The following PTPRK variants were observed in gnomAD, a reference collection of about 807,000 sequenced individuals.
PTPRK encodes the protein receptor-type tyrosine-protein phosphatase kappa.
In PTPRK, 75 loss-of-function variants were observed where a neutral mutation model predicts 178.0. That is an observed-to-expected ratio of 0.42 (90% CI 0.35 to 0.51). The LOEUF (loss-of-function observed/expected upper bound fraction) is 0.51. Among genes scored for constraint, PTPRK ranks in the 20% least tolerant of loss-of-function variants. PTPRK has a pLI of 0.02. For synonymous variants in PTPRK, 637 were observed against 620.6 expected, an observed-to-expected ratio of 1.03 and a Z score of -0.39; for missense variants, 1,441 against 1,797.8, an observed-to-expected ratio of 0.80 and a Z score of 3.59.
rs201666836 is a variant in PTPRK, at chr6:127,998,915, T to C, written c.2495-11A>G. 1.6e-4 allele frequency: 237 copies of C among 1,514,444 alleles called. No individual in the cohort carries two copies. The highest frequency in any genetic ancestry group is 2.0e-4 in the Non-Finnish European group (223 of 1,126,872). The allele number at this position is 1,514,444 out of a possible 1,614,324, so 93.8% of individuals were successfully genotyped here. On this transcript the variant is annotated splice_polypyrimidine_tract_variant and intron_variant, in intron 15 of 29. Transcript: ENST00000368226. Reference sequence around the variant, plus strand: ...CACTGTGGTTCTCATCTGGCATTTTTCAGATTTCAGAAGATTAAAAAAGAG... The same window carrying C: ...CACTGTGGTTCTCATCTGGCATTTTCCAGATTTCAGAAGATTAAAAAAGAG...
chr6:128,158,101 A>G (rs1405957290), intron 7 of PTPRK, among the ~76,000 whole-genome samples: 1 of 151,830 alleles, frequency 6.6e-6, no homozygotes, highest in Non-Finnish European at 1.5e-5. Context: ...TCCATCTTGA[A>G]TTAATTTTTG....
intron 1 of PTPRK, among the ~76,000 whole-genome samples, chr6:128,502,898 G>A (rs1855762931): frequency 6.6e-6 from 1 of 152,034 alleles, no homozygotes; most frequent in African/African-American, 2.4e-5. Context: ...CAGCCATGGT[G>A]GTAGTATTTA....
At chr6:127,973,604 T>G in intron 28 of PTPRK, 60 bp downstream of exon 28, 1 of 1,584,560 alleles carries the variant, frequency 6.3e-7, no homozygotes, top group Non-Finnish European at 8.6e-7. Context: ...TCTTTAACAT[T>G]GAAAATGAGA....
chr6:128,333,728 C>T (rs1318388287), intron 2 of PTPRK, among the ~76,000 whole-genome samples: 1 of 152,172 alleles, frequency 6.6e-6, no homozygotes, highest in East Asian at 1.9e-4. Flanking sequence ...AAGGCTGTTT[C>T]ACTTTCTTAT....
intron 7 of PTPRK, among the ~76,000 whole-genome samples, chr6:128,165,508 A>G (rs1451723708): frequency 2.6e-5 from 4 of 151,258 alleles, no homozygotes; most frequent in Non-Finnish European, 1.5e-5. Context: ...GTCTTTTGGT[A>G]AGCCTGCATC....
chr6:127,990,983 C>A, intron 20 of PTPRK, 98 bp from the exon 21 acceptor site: 1 of 755,660 alleles, frequency 1.3e-6, no homozygotes, highest in Non-Finnish European at 2.2e-6. Flanking sequence ...ACAATTAAAA[C>A]TCAGTTTAAA....
intron 8 of PTPRK, among the ~76,000 whole-genome samples, chr6:128,086,436 T>C (rs1309534045): frequency 2.0e-5 from 3 of 152,162 alleles, no homozygotes; most frequent in Non-Finnish European, 4.4e-5. Context: ...AAAAAGTGTA[T>C]GCAATAAATT....
chr6:127,986,591 G>T (rs1776006612), intron 21 of PTPRK, among the ~76,000 whole-genome samples: 1 of 152,040 alleles, frequency 6.6e-6, no homozygotes, highest in Non-Finnish European at 1.5e-5. Flanking sequence ...TTTTTTAGAA[G>T]AAGTCTGTAG....
chr6:128,388,254 T>C (rs181097661), intron 2 of PTPRK, among the ~76,000 whole-genome samples: 61 of 152,334 alleles, frequency 4.0e-4, no homozygotes, highest in African/African-American at 1.4e-3. Flanking sequence ...CCTCTTTTTC[T>C]TCAGGATACT....
At chr6:128,136,519 A>G (rs1795040371) in intron 7 of PTPRK, among the ~76,000 whole-genome samples, 1 of 152,290 alleles carries the variant, frequency 6.6e-6, no homozygotes, top group African/African-American at 2.4e-5. Flanking sequence ...GTATAAGGGT[A>G]TATTTCTTCA....
intron 7 of PTPRK, among the ~76,000 whole-genome samples, chr6:128,127,673 G>A (rs962516083): frequency 1.3e-5 from 2 of 152,120 alleles, no homozygotes; most frequent in African/African-American, 2.4e-5. Flanking sequence ...CCTTTTAGAC[G>A]CAGCATGCAA....
intron 13 of PTPRK, among the ~76,000 whole-genome samples, chr6:128,053,964 T>A (rs867001689): frequency 2.0e-5 from 3 of 152,234 alleles, no homozygotes; most frequent in Middle Eastern, 3.2e-3. Context: ...ACTATTTAAC[T>A]GCATCAATCT....
At chr6:128,424,782 C>T (rs1225050621) in intron 1 of PTPRK, among the ~76,000 whole-genome samples, 1 of 152,120 alleles carries the variant, frequency 6.6e-6, no homozygotes, top group Non-Finnish European at 1.5e-5. Context: ...TGACTTCATG[C>T]ACCGTTAAGA....
intron 2 of PTPRK, among the ~76,000 whole-genome samples, chr6:128,323,562 A>G (rs932486551): frequency 2.0e-5 from 3 of 152,144 alleles, no homozygotes; most frequent in Non-Finnish European, 1.5e-5. Flanking sequence ...TAACCACTCA[A>G]TAACTACTAG....
intron 2 of PTPRK, among the ~76,000 whole-genome samples, chr6:128,379,371 A>T (rs1837554288): frequency 6.6e-6 from 1 of 152,190 alleles, no homozygotes; most frequent in African/African-American, 2.4e-5. Flanking sequence ...AGATCCAAGT[A>T]TCAATCCATT....
intron 15 of PTPRK, 160 bp downstream of exon 15, chr6:128,004,924 C>T: frequency 6.4e-6 from 4 of 621,260 alleles, no homozygotes; most frequent in Non-Finnish European, 1.1e-5. Context: ...GATGAGAATC[C>T]TTCTTGTAAA....
At chr6:128,322,344 G>A (rs934130684) in intron 2 of PTPRK, 34 bp from the exon 3 acceptor site, 2 of 1,510,064 alleles carry the variant, frequency 1.3e-6, no homozygotes, top group African/African-American at 1.4e-5. Flanking sequence ...ATGCTAAAGA[G>A]ATATATAAGC....
At chr6:128,273,274 G>T (rs1482707644) in intron 3 of PTPRK, among the ~76,000 whole-genome samples, 1 of 151,664 alleles carries the variant, frequency 6.6e-6, no homozygotes, top group Non-Finnish European at 1.5e-5. Context: ...TGAGTTAATG[G>T]GTGCAGCACA....
intron 3 of PTPRK, among the ~76,000 whole-genome samples, chr6:128,308,488 T>C (rs1826771934): frequency 6.6e-6 from 1 of 150,628 alleles, no homozygotes; most frequent in South Asian, 2.1e-4. Flanking sequence ...TTTAAAAAGG[T>C]GAAAAAAGAA....
Sources: gnomAD v4.1 joint callset for allele counts (sites outside exome capture counted in the v4.1 genomes callset) on GRCh38, gnomAD v4.1.1 for gene constraint, MANE v1.5 for transcripts, NCBI Gene and HGNC (gene_info 2026-07-23, HGNC 2026-07-21) for gene names.